Variants in RELN observed in about 807,000 individuals in gnomAD.
RELN encodes reelin.
Under a neutral mutation model 427.6 loss-of-function variants are expected in RELN, and 108 were observed. That is an observed-to-expected ratio of 0.25 (90% CI 0.22 to 0.30). The LOEUF is 0.30. Among genes scored for constraint, RELN ranks in the 10% least tolerant of loss-of-function variants. RELN has a pLI of 1.00. For synonymous variants in RELN, 1,524 were observed against 1,513.4 expected (o/e 1.01, Z -0.16); for missense variants, 3,715 against 4,302.8 (o/e 0.86, Z 3.82).
intron 41 of RELN, 94 bp from the exon 42 acceptor site, chr7:103,545,438 A>C (rs867914248): frequency 1.6e-5 from 13 of 828,346 alleles, no homozygotes; most frequent in Non-Finnish European, 2.6e-5. Flanking sequence ...GGCAGCTTCT[A>C]CCTATGCTCA....
chr7:103,969,159 T>A (rs1433270424), intron 1 of RELN, among the ~76,000 whole-genome samples: 2 of 141,292 alleles, frequency 1.4e-5, no homozygotes, highest in Non-Finnish European at 3.1e-5. Flanking sequence ...AAAAAAAAAA[T>A]GCATTTAAGA....
At chr7:103,633,582 A>C (rs1832516544) in intron 19 of RELN, among the ~76,000 whole-genome samples, 1 of 152,110 alleles carries the variant, frequency 6.6e-6, no homozygotes, top group African/African-American at 2.4e-5. Flanking sequence ...GCACATATCT[A>C]ATACTGAAAA....
At chr7:103,864,703 G>GA (rs1226794662) in intron 2 of RELN, among the ~76,000 whole-genome samples, 1 of 151,896 alleles carries the variant, frequency 6.6e-6, no homozygotes, top group Admixed American at 6.6e-5. Context: ...GCAGAAGGTA[G>GA]AAAATAAGGA....
intron 20 of RELN, among the ~76,000 whole-genome samples, chr7:103,614,719 TTGTG>T (rs1832041152): frequency 1.3e-5 from 2 of 152,230 alleles, no homozygotes; most frequent in Admixed American, 6.5e-5. Context: ...CAGTCTTTTC[TTGTG>T]TTTGTTGTAA....
intron 42 of RELN, among the ~76,000 whole-genome samples, chr7:103,543,512 G>C (rs1377355570): frequency 6.6e-6 from 1 of 152,052 alleles, no homozygotes; most frequent in Non-Finnish European, 1.5e-5. Flanking sequence ...TAGGTGTGGT[G>C]GCAGGTGCCT....
In RELN at chr7:103,551,077, G is replaced by A. The variant is rs1276509060; in HGVS notation, c.6292C>T (p.His2098Tyr). 1 of 1,613,028 alleles carries A rather than the reference G, an allele frequency of 6.2e-7. No individual in the cohort carries two copies. The highest frequency in any genetic ancestry group is 8.5e-7 in the Non-Finnish European group (1 of 1,179,746). ...RREVVHFGKL[H>Y]LCGSVRFRWY... is the part of the protein sequence containing the mutation. Reference sequence around the variant, plus strand: ...GCAGCGGGTCCTTACCCACAAAGGTGCAGCTTCCCAAAGTGCACGACCTCC... The same window carrying A: ...GCAGCGGGTCCTTACCCACAAAGGTACAGCTTCCCAAAGTGCACGACCTCC... Residue 2098 changes from histidine (H) to tyrosine (Y), a missense_variant, in exon 41 of 65, where the codon CAC becomes TAC. By Grantham distance (83) the His-to-Tyr change is moderately conservative (BLOSUM62 2). Transcript: ENST00000428762.
intron 22 of RELN, among the ~76,000 whole-genome samples, chr7:103,607,476 T>A (rs1402091729): frequency 6.6e-6 from 1 of 152,206 alleles, no homozygotes. Flanking sequence ...CAAGTTTTTC[T>A]TTCTCTACCT....
intron 2 of RELN, among the ~76,000 whole-genome samples, chr7:103,865,132 C>CAAAAAAAAAAAAAA (rs386410871): frequency 3.0e-5 from 2 of 67,198 alleles, no homozygotes; most frequent in Non-Finnish European, 5.4e-5. Flanking sequence ...GAAACTGTCT[C>CAAAAAAAAAAAAAA]AAAAAAAAAA....
At chr7:103,745,613 G>A (rs1364732882) in intron 6 of RELN, among the ~76,000 whole-genome samples, 3 of 151,330 alleles carry the variant, frequency 2.0e-5, no homozygotes, top group Non-Finnish European at 2.9e-5. Flanking sequence ...GCATTCTTAT[G>A]CACCAATAAC....
intron 24 of RELN, among the ~76,000 whole-genome samples, chr7:103,599,571 T>C (rs1184452318): frequency 6.6e-6 from 1 of 152,134 alleles, no homozygotes; most frequent in Non-Finnish European, 1.5e-5. Flanking sequence ...ATTGTGAGGA[T>C]GAAAATTTAA....
intron 14 of RELN, 73 bp downstream of exon 14, chr7:103,652,478 C>G (rs2072404): frequency 7.6e-6 from 9 of 1,187,060 alleles, no homozygotes; most frequent in African/African-American, 4.5e-5. Flanking sequence ...TACCTAGAAA[C>G]TACCTCTTAT....
intron 5 of RELN, among the ~76,000 whole-genome samples, chr7:103,752,151 T>C (rs1034200602): frequency 1.8e-4 from 28 of 152,194 alleles, no homozygotes; most frequent in Admixed American, 1.2e-3. Context: ...TTATTCCTTA[T>C]ACCAACCCTA....
At chr7:103,743,360 A>G (rs1478993919) in intron 6 of RELN, among the ~76,000 whole-genome samples, 1 of 152,222 alleles carries the variant, frequency 6.6e-6, no homozygotes, top group African/African-American at 2.4e-5. Context: ...CCAACTAACA[A>G]GCAAAATAAC....
chr7:103,779,823 G>A (rs1003138139), intron 3 of RELN, among the ~76,000 whole-genome samples: 1 of 152,152 alleles, frequency 6.6e-6, no homozygotes, highest in Non-Finnish European at 1.5e-5. Context: ...CACCTCCCAG[G>A]TTCAAGCGAT....
intron 48 of RELN, among the ~76,000 whole-genome samples, chr7:103,520,964 T>TG (rs1829690249): frequency 9.8e-6 from 1 of 101,668 alleles, no homozygotes; most frequent in African/African-American, 3.9e-5. Flanking sequence ...GTTATTTTTT[T>TG]TTTTTTTTTT....
chr7:103,669,689 G>T (rs1833348978), intron 11 of RELN, among the ~76,000 whole-genome samples: 1 of 151,800 alleles, frequency 6.6e-6, no homozygotes, highest in Non-Finnish European at 1.5e-5. Context: ...ATCTCGGATG[G>T]CATGGCAATT....
intron 1 of RELN, among the ~76,000 whole-genome samples, chr7:103,949,041 A>AAC (rs1563106804): frequency 6.9e-6 from 1 of 145,630 alleles, no homozygotes; most frequent in African/African-American, 2.5e-5. Flanking sequence ...AAAAAAAAAA[A>AAC]AAAAAACCCG....
rs71154356 is a variant in RELN at position 103,544,220 on chromosome 7, C to CT, written c.6523+903dup. Reference sequence around the variant, plus strand: ...AAAACTGAGCAAAAAGAAAGAAAATCTTTTTTTTTTTTTTTTTTTTTTTTT... The same window carrying CT: ...AAAACTGAGCAAAAAGAAAGAAAATCTTTTTTTTTTTTTTTTTTTTTTTTTT... On this transcript the variant is annotated intron_variant, in intron 42 of 64. Transcript: ENST00000428762. Among the ~76,000 whole-genome samples, 172 of 71,192 alleles carry CT rather than the reference C, an allele frequency of 2.4e-3. 33 individuals carry two copies. The highest frequency in any genetic ancestry group is 9.5e-3 in the South Asian group (15 of 1,576). 46.7% of individuals were successfully genotyped at this position (71,192 alleles called of 152,430 possible).
At chr7:103,849,290 G>C (rs1020895690) in intron 2 of RELN, among the ~76,000 whole-genome samples, 1 of 145,248 alleles carries the variant, frequency 6.9e-6, no homozygotes, top group Non-Finnish European at 1.5e-5. Context: ...CCGATCACCA[G>C]GTCTTTCTTA....
Sources: gnomAD v4.1 joint callset for allele counts (sites outside exome capture counted in the v4.1 genomes callset) on GRCh38, gnomAD v4.1.1 for gene constraint, MANE v1.5 for transcripts, NCBI Gene and HGNC (gene_info 2026-07-23, HGNC 2026-07-21) for gene names.